GRID2: variants seen among roughly 807,000 people sequenced by gnomAD.
GRID2 encodes the protein glutamate ionotropic receptor delta type subunit 2, also known as glutamate receptor ionotropic, delta-2.
GRID2 carries 33 observed loss-of-function variants against 114.8 expected under a neutral mutation model. The observed-to-expected ratio is 0.29, with a 90% confidence interval of 0.22 to 0.38. The LOEUF is 0.38. GRID2 is among the 10% of genes least tolerant of loss of function. GRID2 has a pLI of 1.00. For missense variants in GRID2, 1,184 were observed against 1,257.7 expected (o/e 0.94, Z 0.89); for synonymous variants, 505 against 449.9 (o/e 1.12, Z -1.55).
chr4:93,434,995 G>A (rs1720934953), intron 10 of GRID2, among the ~76,000 whole-genome samples: 1 of 151,864 alleles, frequency 6.6e-6, no homozygotes, highest in African/African-American at 2.4e-5. Context: ...AAGCTTATTA[G>A]AGAGGACTGC....
At position 93,216,892 on chromosome 4, in the gene GRID2, C is replaced by T; in HGVS notation, c.944C>T (p.Pro315Leu). ...TCAACATTGTGTGATCCAAAGGATCCATTTGCTCAGAATATGGAGGTATAT... is the reference window on the plus strand; with the variant it reads ...TCAACATTGTGTGATCCAAAGGATCTATTTGCTCAGAATATGGAGGTATAT... ...ISSTLCDPKD[P>L]FAQNMEISNL... Residue 315 changes from proline (P) to leucine (L), a missense_variant, in exon 6 of 16, where the codon CCA becomes CTA. By Grantham distance (98) the Pro-to-Leu change is moderately conservative (BLOSUM62 -3). Transcript: ENST00000282020. The T allele has an allele frequency of 1.2e-6, 2 of 1,611,704 alleles. No homozygotes were observed. The highest frequency in any genetic ancestry group is 1.7e-6 in the Non-Finnish European group (2 of 1,178,064).
intron 8 of GRID2, among the ~76,000 whole-genome samples, chr4:93,359,714 G>A (rs1470594680): frequency 1.4e-5 from 2 of 142,730 alleles, no homozygotes; most frequent in African/African-American, 5.2e-5. Flanking sequence ...ATGATCTCTG[G>A]GCTTGGCTAT....
chr4:92,472,200 T>TTATTTG (rs1722079279), intron 1 of GRID2, among the ~76,000 whole-genome samples: 1 of 150,686 alleles, frequency 6.6e-6, no homozygotes, highest in African/African-American at 2.5e-5. Context: ...CCCAAAGTGC[T>TTATTTG]GGGATTACAG....
chr4:92,522,741 T>A (rs1724850503), intron 1 of GRID2, among the ~76,000 whole-genome samples: 1 of 151,732 alleles, frequency 6.6e-6, no homozygotes, highest in African/African-American at 2.4e-5. Flanking sequence ...GTTGGGAAAA[T>A]TGAGAGGAAG....
chr4:93,287,534 G>A (rs948868047), intron 8 of GRID2, among the ~76,000 whole-genome samples: 1 of 152,028 alleles, frequency 6.6e-6, no homozygotes, highest in Non-Finnish European at 1.5e-5. Context: ...CTATGTCTTC[G>A]GAGAATTTTC....
chr4:93,526,913 C>T (rs1238036934), intron 13 of GRID2, among the ~76,000 whole-genome samples: 1 of 152,194 alleles, frequency 6.6e-6, no homozygotes, highest in East Asian at 1.9e-4. Flanking sequence ...GTTTAATTTC[C>T]ATTTTGACTT....
chr4:92,638,126 C>G (rs1731160749), intron 2 of GRID2, among the ~76,000 whole-genome samples: 1 of 151,750 alleles, frequency 6.6e-6, no homozygotes, highest in Non-Finnish European at 1.5e-5. Context: ...GATTTTTTTG[C>G]AGTGACTAAT....
intron 2 of GRID2, among the ~76,000 whole-genome samples, chr4:92,600,979 G>A (rs536268028): frequency 1.5e-3 from 226 of 152,308 alleles, no homozygotes; most frequent in Non-Finnish European, 1.7e-3. Flanking sequence ...AGAGCCACCA[G>A]GAAGGACTAA....
Position 92,306,438 on chromosome 4 carries a change from T to A in GRID2, c.88+1694T>A, listed in dbSNP as rs148103894. Among the ~76,000 whole-genome samples, 211 of 152,332 alleles carry A rather than the reference T, an allele frequency of 1.4e-3. 1 individual carries two copies. The highest frequency in any genetic ancestry group is 4.9e-3 in the African/African-American group (205 of 41,572). ...TCTGATAGAGTTCAGAAATGAACTATGCTCCTTTTAGAGAAATGGCATACA... is the reference window on the plus strand; with the variant it reads ...TCTGATAGAGTTCAGAAATGAACTAAGCTCCTTTTAGAGAAATGGCATACA... On this transcript the variant is annotated intron_variant, in intron 1 of 15. Transcript: ENST00000282020.
chr4:93,160,554 T>C, intron 4 of GRID2, among the ~76,000 whole-genome samples: 1 of 151,838 alleles, frequency 6.6e-6, no homozygotes, highest in Admixed American at 6.6e-5. Flanking sequence ...CTACCTTTGC[T>C]TTTTGGCAAG....
chr4:92,626,119 A>G lies in GRID2; in HGVS notation c.244+35833A>G, dbSNP rs76770945. 8.6e-3 allele frequency among the ~76,000 whole-genome samples: 1,306 copies of G among 152,114 alleles called. 16 individuals carry two copies. Among genetic ancestry groups the G allele is most frequent in the East Asian group, 0.066 (340 of 5,162 alleles). On this transcript the variant is annotated intron_variant, in intron 2 of 15. Coordinates refer to ENST00000282020, the MANE Select transcript of GRID2 (RefSeq NM_001510.4). ...AGCTTTCAGCAAAATAAGTAACTCA[A>G]TCACTCATTTAAGTCCAACACCAAG...
At chr4:92,489,814 C>A (rs993185410) in intron 1 of GRID2, among the ~76,000 whole-genome samples, 25 of 150,952 alleles carry the variant, frequency 1.7e-4, no homozygotes, top group African/African-American at 6.1e-4. Flanking sequence ...CTACTGCCCT[C>A]CAGCCTGGGC....
intron 14 of GRID2, among the ~76,000 whole-genome samples, chr4:93,767,894 C>T (rs1350905767): frequency 6.6e-6 from 1 of 152,160 alleles, no homozygotes; most frequent in Non-Finnish European, 1.5e-5. Flanking sequence ...ATGCATTAAA[C>T]TAAAACCTGT....
rs571016801 is a variant in GRID2 at position 92,519,883 on chromosome 4, C to T, written c.89-70248C>T. ...GGCAGAAAAAGTGAATTCTCTCTTA[C>T]TCAGTCCTTTGGATAAGGTCCACCC... On this transcript the variant is annotated intron_variant, in intron 1 of 15. Coordinates refer to ENST00000282020, the MANE Select transcript of GRID2 (RefSeq NM_001510.4). 1.4e-4 allele frequency among the ~76,000 whole-genome samples: 21 copies of T among 151,934 alleles called. No individual in the cohort carries two copies. The East Asian group carries it at 4.1e-3, about 30-fold the overall frequency.
intron 11 of GRID2, among the ~76,000 whole-genome samples, chr4:93,485,997 T>C (rs992411626): frequency 6.6e-6 from 1 of 151,746 alleles, no homozygotes; most frequent in Non-Finnish European, 1.5e-5. Flanking sequence ...TCAATGAACA[T>C]GCTATATCTT....
chr4:93,654,565 A>G (rs923461343), intron 14 of GRID2, among the ~76,000 whole-genome samples: 20 of 152,198 alleles, frequency 1.3e-4, no homozygotes, highest in Non-Finnish European at 2.8e-4. Flanking sequence ...GTGCCTGAGT[A>G]AGGGGAAAAA....
chr4:92,945,637 C>CA (rs1751566727), intron 2 of GRID2, among the ~76,000 whole-genome samples: 1 of 152,122 alleles, frequency 6.6e-6, no homozygotes, highest in African/African-American at 2.4e-5. Context: ...TAATCAACAG[C>CA]ACTAAGGTTC....
chr4:92,630,331 T>A (rs1471633936), intron 2 of GRID2, among the ~76,000 whole-genome samples: 1 of 152,128 alleles, frequency 6.6e-6, no homozygotes, highest in Non-Finnish European at 1.5e-5. Context: ...TGAGTTAGAG[T>A]ACTTAGATTC....
intron 2 of GRID2, among the ~76,000 whole-genome samples, chr4:92,836,677 G>A (rs183971135): frequency 8.5e-5 from 13 of 152,250 alleles, no homozygotes; most frequent in African/African-American, 3.1e-4. Flanking sequence ...ATTAGAGCAT[G>A]TAGGCTGAGT....
Sources: allele counts gnomAD v4.1 joint callset (sites outside exome capture counted in the v4.1 genomes callset), GRCh38; gene constraint gnomAD v4.1.1; transcripts MANE v1.5; gene names NCBI Gene and HGNC (gene_info 2026-07-23, HGNC 2026-07-21).